CFAP97: variants seen among roughly 807,000 people sequenced by gnomAD.
The protein encoded by CFAP97 is cilia and flagella associated protein 97.
CFAP97 carries 36 observed loss-of-function variants against 43.1 expected under a neutral mutation model. The ratio of observed to expected loss-of-function variants is 0.84; its 90% CI spans 0.64 to 1.10. The LOEUF (loss-of-function observed/expected upper bound fraction) is 1.10, where lower values mean the gene tolerates loss of function less well. Among genes scored for constraint, CFAP97 ranks in the 50% least tolerant of loss-of-function variants. The pLI is 0.00. For synonymous variants in CFAP97, 228 were observed against 225.7 expected (o/e 1.01, Z -0.09); for missense variants, 657 against 620.3 (o/e 1.06, Z -0.63).
At position 185,160,321 on chromosome 4, in the gene CFAP97, T is replaced by C. The variant is rs1242332497; in HGVS notation, c.*2477A>G. 1.3e-5 allele frequency: 2 copies of C among 152,108 alleles called. No homozygotes were observed. Among genetic ancestry groups the C allele is most frequent in the Non-Finnish European group, 2.9e-5 (2 of 68,024 alleles). 9.4% of individuals were successfully genotyped at this position (152,108 alleles called of 1,614,324 possible). ...AACCAGACCTCGGATTAGCATACTT[T>C]CTAGTTATAGATGTAAATCTTCAAA... is the stretch of plus-strand genomic sequence containing the variant. On this transcript the variant is annotated 3_prime_UTR_variant, in exon 5 of 5. Transcript: ENST00000458385.
intron 3 of CFAP97, among the ~76,000 whole-genome samples, chr4:185,167,998 C>CA (rs1195340198): frequency 0.059 from 3,152 of 53,806 alleles, 91 homozygotes; most frequent in South Asian, 0.15. Flanking sequence ...GACTCCTTCT[C>CA]AAAAAAAAAA....
rs368966116 is a variant in CFAP97 at position 185,191,166 on chromosome 4, C to G, written c.31G>C (p.Glu11Gln). Reference sequence around the variant, plus strand: ...CTGTCAAAGAAAGAATGGTCCACTTCACCTTCTAATATATCTCCAAACTGA... The same window carrying G: ...CTGTCAAAGAAAGAATGGTCCACTTGACCTTCTAATATATCTCCAAACTGA... MDQFGDILEG[E>Q]VDHSFFDSDF... The change falls in exon 2 of 5, where the codon GAA becomes CAA. Residue 11 changes from glutamate to glutamine, a missense_variant. By Grantham distance (29) the Glu-to-Gln change is conservative. Coordinates refer to ENST00000458385, the MANE Select transcript of CFAP97 (RefSeq NM_020827.3). The G allele has an allele frequency of 3.9e-5, 62 of 1,593,680 alleles. No homozygotes were observed. In the East Asian group the frequency reaches 6.7e-4, roughly 17 times the overall value.
At chr4:185,176,333 G>A (rs887744322) in intron 2 of CFAP97, among the ~76,000 whole-genome samples, 6 of 151,916 alleles carry the variant, frequency 3.9e-5, no homozygotes, top group Non-Finnish European at 8.8e-5. Context: ...GGCTGGTCTC[G>A]AACTCCTGAC....
intron 2 of CFAP97, among the ~76,000 whole-genome samples, chr4:185,187,672 T>A (rs776398970): frequency 6.6e-6 from 1 of 151,836 alleles, no homozygotes; most frequent in Non-Finnish European, 1.5e-5. Flanking sequence ...TGGAACTCAG[T>A]AATTCAACAT....
At chr4:185,184,968 C>T (rs540545179) in intron 2 of CFAP97, among the ~76,000 whole-genome samples, 67 of 152,170 alleles carry the variant, frequency 4.4e-4, no homozygotes, top group Non-Finnish European at 7.5e-4. Context: ...TTTTAAAAAA[C>T]GGAAGTGTCC....
At chr4:185,179,896 A>T (rs1735715577) in intron 2 of CFAP97, among the ~76,000 whole-genome samples, 1 of 152,132 alleles carries the variant, frequency 6.6e-6, no homozygotes, top group Admixed American at 6.5e-5. Flanking sequence ...TGGCTTCCCA[A>T]ATGTTATTTT....
intron 2 of CFAP97, among the ~76,000 whole-genome samples, chr4:185,185,308 G>T (rs1327683105): frequency 6.6e-6 from 1 of 151,818 alleles, no homozygotes; most frequent in Non-Finnish European, 1.5e-5. Context: ...CAAGAAAAAA[G>T]GCAAATATAT....
chr4:185,203,036 A>G (rs1186519346), intron 1 of CFAP97, among the ~76,000 whole-genome samples: 2 of 152,176 alleles, frequency 1.3e-5, no homozygotes, highest in South Asian at 2.1e-4. Flanking sequence ...TTGGTGCTCA[A>G]TCAAGACAGA....
intron 1 of CFAP97, among the ~76,000 whole-genome samples, chr4:185,200,325 G>A (rs1191965226): frequency 2.0e-5 from 3 of 152,104 alleles, no homozygotes; most frequent in Non-Finnish European, 2.9e-5. Context: ...GTGAGATCCC[G>A]TCTCTTAAAA....
chr4:185,171,437 C>T (rs1056986499), intron 3 of CFAP97, among the ~76,000 whole-genome samples: 4 of 152,166 alleles, frequency 2.6e-5, no homozygotes, highest in African/African-American at 9.7e-5. Flanking sequence ...AAGTTAACTC[C>T]ATTTAGTTAA....
In CFAP97 at chr4:185,203,959, G is replaced by A. The variant is rs1307379382; in HGVS notation, c.-78C>T. The A allele has an allele frequency of 1.3e-5, 2 of 151,498 alleles. No individual in the cohort carries two copies. The highest frequency in any genetic ancestry group is 4.8e-5 in the African/African-American group (2 of 41,420). The allele number at this position is 151,498 out of a possible 1,614,324, so 9.4% of individuals were successfully genotyped here. On this transcript the variant is annotated 5_prime_UTR_variant, in exon 1 of 5. Transcript: ENST00000458385. ...CTGGCGCACTCCCGCGGCCCTGAAC[G>A]GGCTCCCGGCGCCGCGCGCCCGCGC...
chr4:185,169,830 G>A lies in CFAP97; in HGVS notation c.1321-5651C>T, dbSNP rs917873014. On this transcript the variant is annotated intron_variant, in intron 3 of 4. Coordinates refer to ENST00000458385, the MANE Select transcript of CFAP97 (RefSeq NM_020827.3). ...ACATTTCAACAGTGGGAGTCACACT[G>A]AGTTATCATTAGCTTGCTTTCTTCA... 6.1e-6 allele frequency: 6 copies of A among 985,402 alleles called. No individual in the cohort carries two copies. In the African/African-American group the frequency reaches 7.0e-5, roughly 11 times the overall value. The allele number at this position is 985,402 out of a possible 1,614,324, so 61.0% of individuals were successfully genotyped here. A position where few individuals can be genotyped will look rare whatever the true frequency, so the allele number is the denominator to read the frequency against.
intron 3 of CFAP97, among the ~76,000 whole-genome samples, chr4:185,166,958 T>C (rs578075680): frequency 7.0e-4 from 105 of 149,772 alleles, no homozygotes; most frequent in African/African-American, 2.3e-3. Flanking sequence ...TCATTAACTT[T>C]CTTAAAACAT....
At position 185,161,111 on chromosome 4, in the gene CFAP97, A is replaced by T. The variant is rs1168914201; in HGVS notation, c.*1687T>A. The T allele has an allele frequency of 6.6e-6, 1 of 152,136 alleles. No homozygotes were observed. Among genetic ancestry groups the T allele is most frequent in the East Asian group, 1.9e-4 (1 of 5,188 alleles). 9.4% of individuals were successfully genotyped at this position (152,136 alleles called of 1,614,324 possible). A position where few individuals can be genotyped will look rare whatever the true frequency, so the allele number is the denominator to read the frequency against. ...TAAGTTAAAAAACAAAAGAAAATAA[A>T]GCCTTGGTTTAGTATAGCTCAAGCT... On this transcript the variant is annotated 3_prime_UTR_variant, in exon 5 of 5. Transcript: ENST00000458385.
intron 2 of CFAP97, among the ~76,000 whole-genome samples, chr4:185,186,225 G>A (rs1736001398): frequency 6.6e-6 from 1 of 152,124 alleles, no homozygotes. Flanking sequence ...CTGAGGTCAG[G>A]AGTTCCAGAC....
intron 3 of CFAP97, among the ~76,000 whole-genome samples, chr4:185,165,545 C>T (rs1735036387): frequency 6.6e-6 from 1 of 152,074 alleles, no homozygotes; most frequent in African/African-American, 2.4e-5. Flanking sequence ...GTGTTTTATT[C>T]TTTTCTTTAC....
chr4:185,175,569 T>C (rs1382879972), intron 3 of CFAP97, among the ~76,000 whole-genome samples: 1 of 152,114 alleles, frequency 6.6e-6, no homozygotes, highest in African/African-American at 2.4e-5. Flanking sequence ...ACCCACTGCA[T>C]CTGGCCAGTG....
chr4:185,187,975 C>T (rs925928788), intron 2 of CFAP97, among the ~76,000 whole-genome samples: 4 of 152,044 alleles, frequency 2.6e-5, no homozygotes, highest in African/African-American at 9.7e-5. Flanking sequence ...CGGCTAACTG[C>T]AACCTCCACC....
chr4:185,183,367 C>T lies in CFAP97; in HGVS notation c.1054+6776G>A, dbSNP rs1029611980. ...CTCACATGTTGTCTTCACCATCATC[C>T]TCCCCATACTAAGTGGATTTATGTT... is the stretch of plus-strand genomic sequence containing the variant. On this transcript the variant is annotated intron_variant, in intron 2 of 4. Transcript: ENST00000458385. Among the ~76,000 whole-genome samples, 4 of 152,316 alleles carry T rather than the reference C, an allele frequency of 2.6e-5. No individual in the cohort carries two copies. The East Asian group carries it at 7.7e-4, about 29-fold the overall frequency.
Sources: allele counts gnomAD v4.1 joint callset (sites outside exome capture counted in the v4.1 genomes callset), GRCh38; gene constraint gnomAD v4.1.1; transcripts MANE v1.5; gene names NCBI Gene and HGNC (gene_info 2026-07-23, HGNC 2026-07-21).